The following PPID variants were observed in gnomAD, a reference collection of about 807,000 sequenced individuals.
PPID encodes peptidyl-prolyl cis-trans isomerase D.
Under a neutral mutation model 48.1 loss-of-function variants are expected in PPID, and 47 were observed. The ratio of observed to expected loss-of-function variants is 0.98; its 90% confidence interval spans 0.77 to 1.25. The LOEUF (loss-of-function observed/expected upper bound fraction) is 1.25. Ranked by LOEUF, PPID falls within the 50% of genes most tolerant of loss-of-function variation. PPID has a pLI of 0.00. For missense variants in PPID, 429 were observed against 443.5 expected (o/e 0.97, Z 0.29); for synonymous variants, 163 against 148.8 (o/e 1.10, Z -0.69).
chr4:158,714,990 ATACT>A (rs1309702245), intron 6 of PPID, among the ~76,000 whole-genome samples: 14 of 152,244 alleles, frequency 9.2e-5, no homozygotes, highest in Admixed American at 7.2e-4. Context: ...ACGTGCTGAA[ATACT>A]TAGGGTAAAG....
chr4:158,719,407 T>C (rs1171627518), intron 2 of PPID, 121 bp from the exon 3 acceptor site: 2 of 680,816 alleles, frequency 2.9e-6, no homozygotes, highest in African/African-American at 3.7e-5. Context: ...CTCTCTCCTG[T>C]TTGTCGCTCC....
At chr4:158,722,526 A>G (rs985747384) in intron 1 of PPID, among the ~76,000 whole-genome samples, 8 of 152,220 alleles carry the variant, frequency 5.3e-5, no homozygotes, top group African/African-American at 1.9e-4. Flanking sequence ...ATTCAAACAC[A>G]TTGCCTGGCC....
Position 158,723,389 on chromosome 4 carries a change from C to T in PPID, c.-101G>A. On this transcript the variant is annotated 5_prime_UTR_variant, in exon 1 of 10. Coordinates refer to ENST00000307720, the MANE Select transcript of PPID (RefSeq NM_005038.3). ...CGTCTCCGCCGGAGACCGGCAGCGA[C>T]GCTGACCGGCCACTTCCGACGCAAG... The T allele has an allele frequency of 1.7e-6, 2 of 1,172,238 alleles. No homozygotes were observed. Among genetic ancestry groups the T allele is most frequent in the Middle Eastern group, 2.2e-4 (1 of 4,600 alleles). The allele number at this position is 1,172,238 out of a possible 1,614,324, so 72.6% of individuals were successfully genotyped here. A position where few individuals can be genotyped will look rare whatever the true frequency, so the allele number is the denominator to read the frequency against.
rs959581852 is a variant in PPID at position 158,709,146 on chromosome 4, C to T, written c.*590G>A. On this transcript the variant is annotated 3_prime_UTR_variant, in exon 10 of 10. Transcript: ENST00000307720. ...ACAATATACAAACTTAAGCTCTCAT[C>T]TCTTTATTCAATAAGATGTGTCTTT... 1 of 153,076 alleles carries T rather than the reference C, an allele frequency of 6.5e-6. No individual in the cohort carries two copies. Among genetic ancestry groups the T allele is most frequent in the Non-Finnish European group, 1.5e-5 (1 of 68,798 alleles). The allele number at this position is 153,076 out of a possible 1,614,324, so 9.5% of individuals were successfully genotyped here. A position where few individuals can be genotyped will look rare whatever the true frequency, so the allele number is the denominator to read the frequency against.
At position 158,713,239 on chromosome 4, in the gene PPID, A is replaced by G; in HGVS notation, c.774T>C (p.Ala258=). 1 of 1,613,816 alleles carries G rather than the reference A, an allele frequency of 6.2e-7. No homozygotes were observed. The highest frequency in any genetic ancestry group is 8.5e-7 in the Non-Finnish European group (1 of 1,179,920). ...EVLRYVDSSK[A]VIETADRAKL... is the part of the protein sequence containing the mutation. Reference sequence around the variant, plus strand: ...TGGCTCTATCTGCTGTCTCAATAACAGCCTTTGAACTGTCCACGTATCTGC... The same window carrying G: ...TGGCTCTATCTGCTGTCTCAATAACGGCCTTTGAACTGTCCACGTATCTGC... The change falls in exon 7 of 10, where the codon GCT becomes GCC. Residue 258 remains alanine, a synonymous_variant. Coordinates refer to ENST00000307720, the MANE Select transcript of PPID (RefSeq NM_005038.3).
At chr4:158,709,971 CACAA>C (rs1456376200) in intron 9 of PPID, 147 bp from the exon 10 acceptor site, 2 of 611,104 alleles carry the variant, frequency 3.3e-6, no homozygotes, top group African/African-American at 1.9e-5. Context: ...TGAGCAATCA[CACAA>C]ACACAGAAAT....
At chr4:158,721,542 A>T (rs923908630) in intron 1 of PPID, 59 bp from the exon 2 acceptor site, 1 of 1,559,974 alleles carries the variant, frequency 6.4e-7, no homozygotes, top group Non-Finnish European at 8.7e-7. Flanking sequence ...AATGATAAAA[A>T]GAAGGTTGGT....
rs193292786 is a variant in PPID at position 158,715,938 on chromosome 4, G to A, written c.523-254C>T. On this transcript the variant is annotated intron_variant, in intron 4 of 9. Transcript: ENST00000307720. The stretch of plus-strand genomic sequence containing the variant: ...AATTTTATCATTGTCTATGTAAGTG[G>A]CATTAGGTGGGGCATGAGCTTCCGG... Among the ~76,000 whole-genome samples, 290 of 152,250 alleles carry A rather than the reference G, an allele frequency of 1.9e-3. 1 individual carries two copies. The highest frequency in any genetic ancestry group is 6.3e-3 in the African/African-American group (261 of 41,524).
chr4:158,719,994 A>T (rs989185460), intron 2 of PPID, among the ~76,000 whole-genome samples: 1 of 152,084 alleles, frequency 6.6e-6, no homozygotes, highest in Non-Finnish European at 1.5e-5. Context: ...CAGAACACAC[A>T]CTTCCCCCAG....
intron 1 of PPID, among the ~76,000 whole-genome samples, chr4:158,722,674 T>C (rs1476568402): frequency 6.6e-6 from 1 of 152,172 alleles, no homozygotes; most frequent in East Asian, 1.9e-4. Flanking sequence ...ATTTTCCCAA[T>C]GGCAAATTAA....
Position 158,709,675 on chromosome 4 carries a change from C to T in PPID, c.*61G>A. On this transcript the variant is annotated 3_prime_UTR_variant, in exon 10 of 10. Transcript: ENST00000307720. ...TAGGGATCATATTCATAGACAAAAACCTTTACATTTTCTTATTGCATTTAT... is the reference window on the plus strand; with the variant it reads ...TAGGGATCATATTCATAGACAAAAATCTTTACATTTTCTTATTGCATTTAT... 1 of 1,290,986 alleles carries T rather than the reference C, an allele frequency of 7.7e-7. No homozygotes were observed. Among genetic ancestry groups the T allele is most frequent in the Non-Finnish European group, 1.1e-6 (1 of 906,610 alleles). The allele number at this position is 1,290,986 out of a possible 1,614,324, so 80.0% of individuals were successfully genotyped here.
intron 7 of PPID, among the ~76,000 whole-genome samples, chr4:158,711,547 G>A (rs1193653424): frequency 6.6e-6 from 1 of 151,980 alleles, no homozygotes; most frequent in Non-Finnish European, 1.5e-5. Context: ...CCTACAACAG[G>A]TCTTTTAACC....
rs113579328 is a variant in PPID at position 158,714,592 on chromosome 4, C to CTTTT, written c.752+701_752+704dup. Among the ~76,000 whole-genome samples the CTTTT allele has an allele frequency of 2.6e-4, 37 of 141,994 alleles. No homozygotes were observed. In the East Asian group the frequency reaches 7.1e-3, roughly 27 times the overall value. 93.2% of individuals were successfully genotyped at this position (141,994 alleles called of 152,430 possible). On this transcript the variant is annotated intron_variant, in intron 6 of 9. Coordinates refer to ENST00000307720, the MANE Select transcript of PPID (RefSeq NM_005038.3). Reference sequence around the variant, plus strand: ...ACTGGGGAAGTTGGAATATGGATTACTTTTTTTTTTTTTTTTGAGACAGAA... The same window carrying CTTTT: ...ACTGGGGAAGTTGGAATATGGATTACTTTTTTTTTTTTTTTTTTTTGAGACAGAA...
intron 4 of PPID, among the ~76,000 whole-genome samples, chr4:158,716,360 C>T (rs941923460): frequency 4.6e-5 from 7 of 152,050 alleles, no homozygotes; most frequent in Admixed American, 1.3e-4. Flanking sequence ...AAGGCCAAGC[C>T]TCTAGTTAAT....
chr4:158,709,641 G>T lies in PPID; in HGVS notation c.*95C>A. The T allele has an allele frequency of 1.1e-6, 1 of 907,810 alleles. No homozygotes were observed. Among genetic ancestry groups the T allele is most frequent in the East Asian group, 2.6e-5 (1 of 38,760 alleles). The allele number at this position is 907,810 out of a possible 1,614,324, so 56.2% of individuals were successfully genotyped here. A position where few individuals can be genotyped will look rare whatever the true frequency, so the allele number is the denominator to read the frequency against. The stretch of plus-strand genomic sequence containing the variant: ...ACAGTAAGGAACTAAGGTGTCAAAA[G>T]AAACACATTAGGGATCATATTCATA... On this transcript the variant is annotated 3_prime_UTR_variant, in exon 10 of 10. Transcript: ENST00000307720.
In PPID at chr4:158,710,685, A is replaced by C; in HGVS notation, c.982-15T>G. On this transcript the variant is annotated splice_polypyrimidine_tract_variant and intron_variant, in intron 8 of 9. Transcript: ENST00000307720. ...TTAAGATCAGCCTTTAATTGGAAAA[A>C]AACATTTAAGTTAGGTGTATGATTT... 6.2e-7 allele frequency: 1 copy of C among 1,613,390 alleles called. No individual in the cohort carries two copies. Among genetic ancestry groups the C allele is most frequent in the South Asian group, 1.1e-5 (1 of 90,978 alleles).
intron 7 of PPID, among the ~76,000 whole-genome samples, chr4:158,711,470 C>T (rs946654784): frequency 3.3e-5 from 5 of 152,050 alleles, no homozygotes; most frequent in African/African-American, 2.4e-5. Flanking sequence ...GCGATCTGCC[C>T]GCCGCCGTGG....
chr4:158,718,373 T>C (rs1025248186), intron 3 of PPID, among the ~76,000 whole-genome samples: 2 of 152,230 alleles, frequency 1.3e-5, no homozygotes, highest in African/African-American at 4.8e-5. Flanking sequence ...AAATCACATC[T>C]TTCTCCTGCA....
intron 3 of PPID, among the ~76,000 whole-genome samples, chr4:158,718,112 T>A (rs779570872): frequency 1.3e-5 from 2 of 152,250 alleles, no homozygotes; most frequent in Admixed American, 6.5e-5. Context: ...TCTATGTCAA[T>A]GTGATCATCA....
Sources: allele counts gnomAD v4.1 joint callset (sites outside exome capture counted in the v4.1 genomes callset), GRCh38; gene constraint gnomAD v4.1.1; transcripts MANE v1.5; gene names NCBI Gene and HGNC (gene_info 2026-07-23, HGNC 2026-07-21).